The following NLGN1 variants were observed in gnomAD, a reference collection of about 807,000 sequenced individuals.
NLGN1 encodes the protein neuroligin-1.
NLGN1 carries 12 observed loss-of-function variants against 65.5 expected under a neutral mutation model. The ratio of observed to expected loss-of-function variants is 0.18; its 90% CI spans 0.12 to 0.30. The LOEUF (loss-of-function observed/expected upper bound fraction) is 0.30. NLGN1 is among the 10% of genes least tolerant of loss of function. NLGN1 has a pLI of 1.00. For missense variants in NLGN1, 750 were observed against 1,007.1 expected, an observed-to-expected ratio of 0.74 and a Z score of 3.46; for synonymous variants, 350 against 359.5, an observed-to-expected ratio of 0.97 and a Z score of 0.30.
intron 2 of NLGN1, among the ~76,000 whole-genome samples, chr3:173,495,782 C>A (rs1250099996): frequency 1.3e-5 from 2 of 151,062 alleles, no homozygotes; most frequent in Admixed American, 1.3e-4. Context: ...TTAAACATCT[C>A]CACAAATTTC....
intron 4 of NLGN1, among the ~76,000 whole-genome samples, chr3:173,969,492 A>C (rs1715691780): frequency 6.6e-6 from 1 of 152,172 alleles, no homozygotes; most frequent in Non-Finnish European, 1.5e-5. Flanking sequence ...AGTGGGCACT[A>C]TCCAGAATTT....
At chr3:173,518,996 A>T (rs1734318985) in intron 2 of NLGN1, among the ~76,000 whole-genome samples, 1 of 152,148 alleles carries the variant, frequency 6.6e-6, no homozygotes, top group African/African-American at 2.4e-5. Context: ...TGTCCTGCAC[A>T]GCCTCAGAAC....
chr3:173,479,230 G>T (rs1311978018), intron 2 of NLGN1, among the ~76,000 whole-genome samples: 1 of 152,120 alleles, frequency 6.6e-6, no homozygotes, highest in Non-Finnish European at 1.5e-5. Context: ...GAAGGCATGA[G>T]AACTAGAATA....
intron 3 of NLGN1, among the ~76,000 whole-genome samples, chr3:173,682,789 G>A (rs1764131865): frequency 6.6e-6 from 1 of 151,922 alleles, no homozygotes; most frequent in Non-Finnish European, 1.5e-5. Context: ...GGAACACCAG[G>A]CATAAATGGG....
At chr3:173,694,663 A>G (rs1765946664) in intron 3 of NLGN1, among the ~76,000 whole-genome samples, 1 of 152,186 alleles carries the variant, frequency 6.6e-6, no homozygotes, top group African/African-American at 2.4e-5. Context: ...CATTGAAAAT[A>G]TTACTTACCT....
At chr3:173,692,806 C>T (rs1389845446) in intron 3 of NLGN1, among the ~76,000 whole-genome samples, 2 of 152,036 alleles carry the variant, frequency 1.3e-5, no homozygotes, top group Non-Finnish European at 2.9e-5. Flanking sequence ...CCTCAGAATA[C>T]ATCATGAGAA....
intron 4 of NLGN1, among the ~76,000 whole-genome samples, chr3:174,211,608 T>C (rs1420944407): frequency 6.6e-6 from 1 of 151,484 alleles, no homozygotes; most frequent in Non-Finnish European, 1.5e-5. Flanking sequence ...AGCAGCTAGA[T>C]ACAGAGTGTC....
At chr3:174,147,817 G>A (rs1379845817) in intron 4 of NLGN1, among the ~76,000 whole-genome samples, 1 of 152,054 alleles carries the variant, frequency 6.6e-6, no homozygotes, top group African/African-American at 2.4e-5. Flanking sequence ...AGATTATTGT[G>A]AATAAGAGTT....
intron 4 of NLGN1, among the ~76,000 whole-genome samples, chr3:174,198,714 T>G (rs1219444265): frequency 6.6e-6 from 1 of 152,170 alleles, no homozygotes; most frequent in East Asian, 1.9e-4. Flanking sequence ...TATTTTTACC[T>G]TTATGGTAAT....
Position 173,950,801 on chromosome 3 carries a change from T to C in NLGN1, c.646+142969T>C, listed in dbSNP as rs374551656. On this transcript the variant is annotated intron_variant, in intron 4 of 6. Coordinates refer to ENST00000457714, the Ensembl canonical transcript of NLGN1. ...TCCAGCCTTGGCGACAGAGTAAGAC[T>C]TCGTCTCAAAAAAAAAAAAAAGGTC... Among the ~76,000 whole-genome samples, 111 of 151,006 alleles carry C rather than the reference T, an allele frequency of 7.4e-4. 1 individual carries two copies. The highest frequency in any genetic ancestry group is 2.6e-3 in the African/African-American group (108 of 41,134).
chr3:174,059,672 C>T (rs1736965092), intron 4 of NLGN1, among the ~76,000 whole-genome samples: 1 of 152,104 alleles, frequency 6.6e-6, no homozygotes, highest in South Asian at 2.1e-4. Context: ...ACCACAATTA[C>T]CATTTATGGA....
intron 4 of NLGN1, among the ~76,000 whole-genome samples, chr3:173,994,974 T>A (rs559388527): frequency 6.6e-6 from 1 of 152,260 alleles, no homozygotes; most frequent in East Asian, 1.9e-4. Context: ...ATAAAAAAAA[T>A]GGTTGTCAGT....
At chr3:174,005,129 T>G (rs1375298562) in intron 4 of NLGN1, among the ~76,000 whole-genome samples, 1 of 152,186 alleles carries the variant, frequency 6.6e-6, no homozygotes, top group African/African-American at 2.4e-5. Context: ...AATGTACCTT[T>G]TATCCAAGGA....
At chr3:173,459,155 C>T (rs1722966202) in intron 2 of NLGN1, among the ~76,000 whole-genome samples, 1 of 152,112 alleles carries the variant, frequency 6.6e-6, no homozygotes, top group Admixed American at 6.6e-5. Context: ...CATGATCTTA[C>T]AGCAGTAATC....
intron 4 of NLGN1, among the ~76,000 whole-genome samples, chr3:173,821,368 A>G (rs1373837308): frequency 6.6e-6 from 1 of 152,172 alleles, no homozygotes; most frequent in Non-Finnish European, 1.5e-5. Context: ...TATCACCATA[A>G]TTAGGAGCAA....
At chr3:173,668,103 C>T (rs913961780) in intron 3 of NLGN1, among the ~76,000 whole-genome samples, 5 of 152,028 alleles carry the variant, frequency 3.3e-5, no homozygotes, top group African/African-American at 9.7e-5. Context: ...TAGGAAGAAA[C>T]GGACCTGTGA....
At position 173,760,368 on chromosome 3, in the gene NLGN1, G is replaced by A. The variant is rs532957360; in HGVS notation, c.494-47312G>A. ...ATACATGAATATAATTATTCACTAAGTAAATATACTAATAATTAAATAAAT... is the reference window on the plus strand; with the variant it reads ...ATACATGAATATAATTATTCACTAAATAAATATACTAATAATTAAATAAAT... On this transcript the variant is annotated intron_variant, in intron 3 of 6. Coordinates refer to ENST00000457714, the Ensembl canonical transcript of NLGN1. Among the ~76,000 whole-genome samples the A allele has an allele frequency of 4.0e-5, 6 of 151,870 alleles. No homozygotes were observed. The South Asian group carries it at 1.2e-3, about 31-fold the overall frequency.
At chr3:173,738,422 A>C (rs1045956639) in intron 3 of NLGN1, among the ~76,000 whole-genome samples, 1 of 152,036 alleles carries the variant, frequency 6.6e-6, no homozygotes, top group Non-Finnish European at 1.5e-5. Flanking sequence ...AATTTTGTGC[A>C]TGGTGTGAGG....
At chr3:173,587,960 G>A (rs1435495819) in intron 2 of NLGN1, among the ~76,000 whole-genome samples, 1 of 152,080 alleles carries the variant, frequency 6.6e-6, no homozygotes, top group African/African-American at 2.4e-5. Flanking sequence ...AAAGAAGTTA[G>A]CAACACACTC....
Sources: gnomAD v4.1 joint callset for allele counts (sites outside exome capture counted in the v4.1 genomes callset) on GRCh38, gnomAD v4.1.1 for gene constraint, MANE v1.5 for transcripts, NCBI Gene and HGNC (gene_info 2026-07-23, HGNC 2026-07-21) for gene names.